XPNPEP1: variants seen among roughly 807,000 people sequenced by gnomAD.
XPNPEP1 encodes xaa-Pro aminopeptidase 1.
A neutral mutation model predicts 92.4 loss-of-function variants in XPNPEP1; 39 were observed. The observed-to-expected ratio is 0.42, with a 90% CI of 0.33 to 0.55. XPNPEP1 has a LOEUF of 0.55. XPNPEP1 is among the 20% of genes least tolerant of loss of function. The pLI, the probability that XPNPEP1 is intolerant of heterozygous loss-of-function variation, is 0.08. For synonymous variants in XPNPEP1, 307 were observed against 299.4 expected (o/e 1.03, Z -0.26); for missense variants, 654 against 856.1 (o/e 0.76, Z 2.95).
intron 20 of XPNPEP1, 67 bp downstream of exon 20, chr10:109,868,547 T>G: frequency 7.6e-7 from 1 of 1,308,364 alleles, no homozygotes; most frequent in South Asian, 1.2e-5. Flanking sequence ...GAGGATGGAT[T>G]AGAACTATTT....
chr10:109,883,812 CTT>C (rs1317231188), intron 9 of XPNPEP1: 1 of 403,438 alleles, frequency 2.5e-6, no homozygotes, highest in Non-Finnish European at 4.4e-6. Context: ...TGCTAGAAAA[CTT>C]GACATCAAAT....
At chr10:109,921,027 T>A (rs1034355474) in intron 1 of XPNPEP1, among the ~76,000 whole-genome samples, 1 of 152,216 alleles carries the variant, frequency 6.6e-6, no homozygotes, top group African/African-American at 2.4e-5. Context: ...TCACAGGAGC[T>A]ACGAAGCAGC....
chr10:109,913,163 C>A (rs758943628), intron 2 of XPNPEP1, among the ~76,000 whole-genome samples: 1 of 152,242 alleles, frequency 6.6e-6, no homozygotes, highest in Non-Finnish European at 1.5e-5. Flanking sequence ...CTTGCATATA[C>A]AGGTCTGCTT....
At chr10:109,907,234 A>AT (rs1849603442) in intron 3 of XPNPEP1, among the ~76,000 whole-genome samples, 2 of 152,146 alleles carry the variant, frequency 1.3e-5, no homozygotes, top group South Asian at 4.1e-4. Flanking sequence ...CAGCACCATA[A>AT]CCACAGTGTA....
intron 15 of XPNPEP1, among the ~76,000 whole-genome samples, chr10:109,875,088 C>T (rs969864641): frequency 5.3e-5 from 8 of 152,168 alleles, no homozygotes; most frequent in Admixed American, 2.0e-4. Flanking sequence ...GCCGTGAAAG[C>T]AGCAAAACAT....
intron 3 of XPNPEP1, among the ~76,000 whole-genome samples, chr10:109,901,006 C>A (rs1849258015): frequency 2.0e-5 from 3 of 152,080 alleles, no homozygotes; most frequent in Admixed American, 2.0e-4. Context: ...CGGCACTATT[C>A]ACAATAGCAA....
At chr10:109,891,911 G>A (rs1432951823) in intron 4 of XPNPEP1, 85 bp from the exon 5 acceptor site, 4 of 1,335,996 alleles carry the variant, frequency 3.0e-6, no homozygotes, top group East Asian at 2.4e-5. Flanking sequence ...AGACAGGCAA[G>A]AGCAGTAAGA....
intron 3 of XPNPEP1, among the ~76,000 whole-genome samples, 174 bp downstream of exon 3, chr10:109,907,517 T>C (rs1849617434): frequency 6.6e-6 from 1 of 152,212 alleles, no homozygotes; most frequent in African/African-American, 2.4e-5. Context: ...TCAAGGAAGC[T>C]AGGGCCAATC....
chr10:109,891,125 T>A (rs571153844), intron 5 of XPNPEP1: 2 of 152,368 alleles, frequency 1.3e-5, no homozygotes, highest in African/African-American at 4.8e-5. Context: ...CATTATTCAA[T>A]AAACATTGAT....
rs1181658073 is a variant in XPNPEP1 at position 109,923,495 on chromosome 10, G to A, written c.-62C>T. 6.2e-6 allele frequency: 8 copies of A among 1,300,330 alleles called. No individual in the cohort carries two copies. The highest frequency in any genetic ancestry group is 7.9e-6 in the Non-Finnish European group (8 of 1,016,530). 80.5% of individuals were successfully genotyped at this position (1,300,330 alleles called of 1,614,324 possible). ...GCAGACCAGCTGATCACCCGCGGAA[G>A]GGCCGGCGCGAAGGAGGCGCGAGAG... is the stretch of plus-strand genomic sequence containing the variant. On this transcript the variant is annotated 5_prime_UTR_variant, in exon 1 of 21. Coordinates refer to ENST00000502935, the MANE Select transcript of XPNPEP1 (RefSeq NM_020383.4).
intron 2 of XPNPEP1, 146 bp from the exon 3 acceptor site, chr10:109,907,961 C>A: frequency 8.6e-7 from 1 of 1,164,548 alleles, no homozygotes; most frequent in Non-Finnish European, 1.2e-6. Flanking sequence ...ACCACCAGAC[C>A]AAGACCAAAG....
At chr10:109,887,978 G>C (rs1848486879) in intron 7 of XPNPEP1, 71 bp downstream of exon 7, 1 of 1,584,702 alleles carries the variant, frequency 6.3e-7, no homozygotes. Context: ...CGGAGGACGA[G>C]GCTGGAGACA....
intron 1 of XPNPEP1, among the ~76,000 whole-genome samples, chr10:109,921,123 A>G (rs2133591311): frequency 6.6e-6 from 1 of 152,356 alleles, no homozygotes; most frequent in African/African-American, 2.4e-5. Context: ...TTGGACAGAT[A>G]AAATTCTTAA....
intron 2 of XPNPEP1, among the ~76,000 whole-genome samples, chr10:109,913,566 G>C (rs1401401572): frequency 3.3e-5 from 5 of 152,194 alleles, no homozygotes; most frequent in African/African-American, 4.8e-5. Flanking sequence ...CTCCAAGGGA[G>C]GTTTCACTAT....
intron 8 of XPNPEP1, among the ~76,000 whole-genome samples, chr10:109,886,020 A>G (rs1234121599): frequency 1.3e-5 from 2 of 152,176 alleles, no homozygotes; most frequent in Non-Finnish European, 2.9e-5. Context: ...AGAGGTGGGC[A>G]TCACCCAGCT....
chr10:109,873,138 C>T (rs190839852), intron 16 of XPNPEP1, among the ~76,000 whole-genome samples: 2 of 152,340 alleles, frequency 1.3e-5, no homozygotes, highest in East Asian at 1.9e-4. Context: ...TAAACTTACA[C>T]CTGAGCTGCC....
At chr10:109,894,832 C>T (rs919108224) in intron 3 of XPNPEP1, among the ~76,000 whole-genome samples, 2 of 152,194 alleles carry the variant, frequency 1.3e-5, no homozygotes, top group African/African-American at 2.4e-5. Flanking sequence ...AAAGAACATT[C>T]GGTCAACAGC....
chr10:109,915,941 T>C (rs1047771557), intron 1 of XPNPEP1, among the ~76,000 whole-genome samples: 2 of 152,224 alleles, frequency 1.3e-5, no homozygotes, highest in African/African-American at 4.8e-5. Flanking sequence ...TTGAAAAATC[T>C]TCCATAATCC....
chr10:109,901,240 T>C (rs1257505455), intron 3 of XPNPEP1, among the ~76,000 whole-genome samples: 1 of 119,310 alleles, frequency 8.4e-6, no homozygotes, highest in Non-Finnish European at 1.6e-5. Context: ...CAATGGAACA[T>C]CACACACTGG....
Sources: gnomAD v4.1 joint callset for allele counts (sites outside exome capture counted in the v4.1 genomes callset) on GRCh38, gnomAD v4.1.1 for gene constraint, MANE v1.5 for transcripts, NCBI Gene and HGNC (gene_info 2026-07-23, HGNC 2026-07-21) for gene names.